Variants in WWOX observed in about 807,000 individuals in gnomAD.
WWOX encodes WW domain-containing oxidoreductase.
A neutral mutation model predicts 46.2 loss-of-function variants in WWOX; 69 were observed. The observed-to-expected ratio is 1.49, with a 90% confidence interval of 1.23 to 1.82. WWOX has a LOEUF of 1.82. WWOX is among the 40% of genes most tolerant of loss of function. WWOX has a pLI of 0.00. For missense variants in WWOX, 919 were observed against 542.6 expected, an observed-to-expected ratio of 1.69 and a Z score of -6.89; for synonymous variants, 359 against 202.6, an observed-to-expected ratio of 1.77 and a Z score of -6.56.
rs184721555 is a variant in WWOX, at chr16:78,890,851, A to T, written c.1057-320757A>T. The T allele has an allele frequency of 3.9e-5, 6 of 152,340 alleles. No homozygotes were observed. The East Asian group carries it at 1.2e-3, about 29-fold the overall frequency. The allele number at this position is 152,340 out of a possible 1,614,324, so 9.4% of individuals were successfully genotyped here. A position where few individuals can be genotyped will look rare whatever the true frequency, so the allele number is the denominator to read the frequency against. On this transcript the variant is annotated intron_variant, in intron 8 of 8. Coordinates refer to ENST00000566780, the MANE Select transcript of WWOX (RefSeq NM_016373.4). ...TGTCAATATTTAGTAAAATGCGTTCATAGCTATTATTATAAAGACTTTAGG... is the reference window on the plus strand; with the variant it reads ...TGTCAATATTTAGTAAAATGCGTTCTTAGCTATTATTATAAAGACTTTAGG...
At chr16:78,151,030 A>G (rs2034386362) in intron 4 of WWOX, among the ~76,000 whole-genome samples, 1 of 140,578 alleles carries the variant, frequency 7.1e-6, no homozygotes. Context: ...GGTGCATGGC[A>G]CTGTGCTCCA....
At chr16:78,823,684 T>G (rs1463993794) in intron 8 of WWOX, among the ~76,000 whole-genome samples, 2 of 152,184 alleles carry the variant, frequency 1.3e-5, no homozygotes, top group Admixed American at 6.5e-5. Context: ...TGTGTGCATT[T>G]AAGGCCCGCC....
At chr16:78,573,735 CACTTGCT>C (rs1445631690) in intron 8 of WWOX, among the ~76,000 whole-genome samples, 5 of 152,216 alleles carry the variant, frequency 3.3e-5, no homozygotes, top group Non-Finnish European at 7.3e-5. Context: ...TCATCAGGTT[CACTTGCT>C]TCCTGTCCTT....
At chr16:78,670,043 G>A (rs533835149) in intron 8 of WWOX, among the ~76,000 whole-genome samples, 1 of 152,272 alleles carries the variant, frequency 6.6e-6, no homozygotes, top group South Asian at 2.1e-4. Context: ...GGCAGGAAGA[G>A]GGAATGAATG....
At chr16:78,967,607 C>T (rs1379138924) in intron 8 of WWOX, among the ~76,000 whole-genome samples, 9 of 151,794 alleles carry the variant, frequency 5.9e-5, no homozygotes, top group Non-Finnish European at 1.2e-4. Flanking sequence ...GCCCAATACC[C>T]CCTATGTAGA....
chr16:78,919,519 G>GTTTTTTTTTTTT lies in WWOX; in HGVS notation c.1057-292085_1057-292084insTTTTTTTTTTTT, dbSNP rs1362661780. Among the ~76,000 whole-genome samples, 2 of 67,256 alleles carry GTTTTTTTTTTTT rather than the reference G, an allele frequency of 3.0e-5. 1 individual carries two copies. The allele number at this position is 67,256 out of a possible 152,430, so 44.1% of individuals were successfully genotyped here. A position where few individuals can be genotyped will look rare whatever the true frequency, so the allele number is the denominator to read the frequency against. The stretch of plus-strand genomic sequence containing the variant: ...TCTCTTTTTTTTCTTTTATCTTTTT[G>GTTTTTTTTTTTT]TTTTGTTTTTTTTTTTTTTGAGGGA... On this transcript the variant is annotated intron_variant, in intron 8 of 8. Coordinates refer to ENST00000566780, the MANE Select transcript of WWOX (RefSeq NM_016373.4).
intron 8 of WWOX, chr16:78,553,396 G>T (rs1423438097): frequency 6.6e-6 from 1 of 152,228 alleles, no homozygotes; most frequent in East Asian, 1.9e-4. Context: ...TGGGACACAG[G>T]GGTTGTCTTT....
At chr16:79,128,065 T>C (rs759393932) in intron 8 of WWOX, among the ~76,000 whole-genome samples, 4 of 152,068 alleles carry the variant, frequency 2.6e-5, no homozygotes, top group Non-Finnish European at 4.4e-5. Context: ...ATGCTGATGA[T>C]TTGGTTACCC....
chr16:78,833,476 T>C (rs1330464975), intron 8 of WWOX, among the ~76,000 whole-genome samples: 1 of 152,180 alleles, frequency 6.6e-6, no homozygotes, highest in Non-Finnish European at 1.5e-5. Context: ...TTCCTCATCA[T>C]TGTCCTCTTC....
At chr16:78,336,098 C>T (rs574498548) in intron 5 of WWOX, among the ~76,000 whole-genome samples, 14 of 150,896 alleles carry the variant, frequency 9.3e-5, no homozygotes, top group Admixed American at 2.6e-4. Flanking sequence ...TCTCAAAAAA[C>T]GAAAAACAAA....
At chr16:78,702,007 T>TTATATATATG (rs1555519490) in intron 8 of WWOX, among the ~76,000 whole-genome samples, 4 of 57,628 alleles carry the variant, frequency 6.9e-5, no homozygotes, top group African/African-American at 2.6e-4. Flanking sequence ...CTACATAAAA[T>TTATATATATG]TATATATATA....
chr16:78,344,368 A>C lies in WWOX; in HGVS notation c.517-42492A>C, dbSNP rs1238116192. Among the ~76,000 whole-genome samples, 3 of 121,204 alleles carry C rather than the reference A, an allele frequency of 2.5e-5. 1 individual carries two copies. The highest frequency in any genetic ancestry group is 8.0e-5 in the Admixed American group (1 of 12,426). 79.5% of individuals were successfully genotyped at this position (121,204 alleles called of 152,430 possible). On this transcript the variant is annotated intron_variant, in intron 5 of 8. Coordinates refer to ENST00000566780, the MANE Select transcript of WWOX (RefSeq NM_016373.4). The stretch of plus-strand genomic sequence containing the variant: ...TTTTTATTTGAAAGGTATTTGCTTA[A>C]ATAAATAGGCCATATAAATCTAGCT...
chr16:78,801,852 T>C (rs1345874098), intron 8 of WWOX, among the ~76,000 whole-genome samples: 2 of 152,220 alleles, frequency 1.3e-5, no homozygotes, highest in Non-Finnish European at 2.9e-5. Context: ...TGTTGATATT[T>C]TATAGATTGT....
chr16:78,641,765 A>T (rs1430305828), intron 8 of WWOX, among the ~76,000 whole-genome samples: 1 of 152,174 alleles, frequency 6.6e-6, no homozygotes, highest in Non-Finnish European at 1.5e-5. Flanking sequence ...TAATTACCTG[A>T]CAGAGCTCCC....
At chr16:78,815,633 C>A (rs570385863) in intron 8 of WWOX, among the ~76,000 whole-genome samples, 1 of 152,208 alleles carries the variant, frequency 6.6e-6, no homozygotes, top group African/African-American at 2.4e-5. Flanking sequence ...TGGAAGGAAA[C>A]TTCGTCTGAG....
At chr16:79,195,022 C>T (rs1041999344) in intron 8 of WWOX, among the ~76,000 whole-genome samples, 1 of 152,142 alleles carries the variant, frequency 6.6e-6, no homozygotes, top group Non-Finnish European at 1.5e-5. Flanking sequence ...GATTATATGC[C>T]TGTTCCATAT....
chr16:78,521,563 A>G (rs775900302), intron 8 of WWOX, among the ~76,000 whole-genome samples: 1 of 152,224 alleles, frequency 6.6e-6, no homozygotes, highest in Non-Finnish European at 1.5e-5. Flanking sequence ...TACTTATATT[A>G]CAGGGTTGTC....
chr16:78,896,227 A>C (rs2044696934), intron 8 of WWOX: 1 of 152,284 alleles, frequency 6.6e-6, no homozygotes, highest in Non-Finnish European at 1.5e-5. Flanking sequence ...CCATTTGAAA[A>C]AAAAAAAAAG....
chr16:78,416,199 G>T (rs754305603), intron 6 of WWOX, among the ~76,000 whole-genome samples: 18 of 152,260 alleles, frequency 1.2e-4, no homozygotes, highest in Admixed American at 3.3e-4. Context: ...TTTATAGTTT[G>T]AACTTTTCCT....
Sources: gnomAD v4.1 joint callset for allele counts (sites outside exome capture counted in the v4.1 genomes callset) on GRCh38, gnomAD v4.1.1 for gene constraint, MANE v1.5 for transcripts, NCBI Gene and HGNC (gene_info 2026-07-23, HGNC 2026-07-21) for gene names.